The following DIAPH2 variants were observed in gnomAD, a reference collection of about 807,000 sequenced individuals.
DIAPH2 encodes diaphanous related formin 2, also known as protein diaphanous homolog 2.
A neutral mutation model predicts 92.7 loss-of-function variants in DIAPH2; 35 were observed. That is an observed-to-expected ratio of 0.38 (90% CI 0.29 to 0.50). The LOEUF is 0.50. Ranked by LOEUF, DIAPH2 falls within the 20% of genes least tolerant of loss-of-function variation. The pLI is 0.94. For missense variants in DIAPH2, 701 were observed against 819.5 expected (o/e 0.86, Z 1.77); for synonymous variants, 301 against 280.4 (o/e 1.07, Z -0.73).
At chrX:96,981,999 G>T (rs1428752292) in intron 17 of DIAPH2, among the ~76,000 whole-genome samples, 1 of 111,701 alleles carries the variant, frequency 9.0e-6, no homozygotes, top group African/African-American at 3.3e-5. Context: ...CAGTAAAAAT[G>T]TACCCACAAA....
At chrX:96,748,073 G>A (rs2064161399) in intron 3 of DIAPH2, among the ~76,000 whole-genome samples, 1 of 111,918 alleles carries the variant, frequency 8.9e-6, no homozygotes, top group African/African-American at 3.2e-5. Flanking sequence ...CCAGTAAACA[G>A]ATCTAAAAGG....
intron 1 of DIAPH2, among the ~76,000 whole-genome samples, chrX:96,707,318 G>A (rs1172869154): frequency 1.8e-5 from 2 of 108,137 alleles, no homozygotes; most frequent in Non-Finnish European, 3.8e-5. Flanking sequence ...ACAGGTGTCC[G>A]CCACCATGCC....
chrX:96,854,573 A>G (rs1411401112), intron 4 of DIAPH2, among the ~76,000 whole-genome samples: 1 of 85,826 alleles, frequency 1.2e-5, no homozygotes, highest in Non-Finnish European at 2.3e-5. Context: ...TATATATATA[A>G]AAAACCAAGA....
At chrX:96,749,991 C>T (rs186412727) in intron 3 of DIAPH2, among the ~76,000 whole-genome samples, 1 of 109,103 alleles carries the variant, frequency 9.2e-6, no homozygotes, top group East Asian at 2.9e-4. Flanking sequence ...ATTGTTAAAA[C>T]GTCAAGGAAT....
intron 17 of DIAPH2, among the ~76,000 whole-genome samples, chrX:97,014,341 T>A (rs1195001271): frequency 6.3e-5 from 7 of 111,733 alleles, no homozygotes; most frequent in African/African-American, 2.0e-4. Context: ...AAGGAGGGAA[T>A]GTGATTTGTT....
chrX:97,137,266 T>TATAC (rs2067177079), intron 21 of DIAPH2, among the ~76,000 whole-genome samples: 1 of 42,094 alleles, frequency 2.4e-5, no homozygotes, highest in Non-Finnish European at 4.1e-5. Flanking sequence ...TAAACGCAGT[T>TATAC]ATACATATAT....
At chrX:96,885,033 T>G in intron 5 of DIAPH2, 2 of 1,211,238 alleles carry the variant, frequency 1.7e-6, no homozygotes, top group African/African-American at 3.5e-5. Context: ...CGATTGATTA[T>G]CTGACCGTTG....
At chrX:97,421,885 T>A (rs2147770344) in intron 25 of DIAPH2, among the ~76,000 whole-genome samples, 1 of 111,591 alleles carries the variant, frequency 9.0e-6, no homozygotes, top group East Asian at 2.8e-4. Flanking sequence ...CTGTAACTCC[T>A]GTATCTTTCA....
intron 3 of DIAPH2, among the ~76,000 whole-genome samples, chrX:96,757,642 C>T: frequency 8.9e-6 from 1 of 112,242 alleles, no homozygotes; most frequent in Non-Finnish European, 1.9e-5. Context: ...TACCGCAATA[C>T]CGCTGTTTCT....
intron 14 of DIAPH2, 99 bp from the exon 15 acceptor site, chrX:96,948,836 C>A: frequency 2.5e-6 from 1 of 398,987 alleles, no homozygotes; most frequent in South Asian, 1.1e-4. Flanking sequence ...TCTGGGAATT[C>A]AACTAAGTAA....
intron 4 of DIAPH2, among the ~76,000 whole-genome samples, chrX:96,848,458 A>T (rs1442462017): frequency 8.9e-6 from 1 of 112,281 alleles, no homozygotes; most frequent in East Asian, 2.8e-4. Context: ...TCATTTTGTT[A>T]TTGATTGCTA....
chrX:97,234,399 T>C (rs2068032883), intron 22 of DIAPH2, among the ~76,000 whole-genome samples: 1 of 110,628 alleles, frequency 9.0e-6, no homozygotes, highest in African/African-American at 3.3e-5. Context: ...CAATCCACTT[T>C]TGTTTTCTCT....
intron 4 of DIAPH2, among the ~76,000 whole-genome samples, chrX:96,861,836 A>G (rs750786796): frequency 9.0e-6 from 1 of 111,440 alleles, no homozygotes; most frequent in South Asian, 3.8e-4. Flanking sequence ...ATACATGTAC[A>G]CCCCTACAGC....
intron 23 of DIAPH2, among the ~76,000 whole-genome samples, chrX:97,301,023 G>C (rs181378528): frequency 5.8e-4 from 56 of 96,567 alleles, no homozygotes; most frequent in African/African-American, 2.1e-3. Context: ...TAAGTAATTG[G>C]CCGGGCGCAG....
intron 17 of DIAPH2, among the ~76,000 whole-genome samples, chrX:97,021,809 A>G (rs752997532): frequency 3.3e-4 from 37 of 111,772 alleles, no homozygotes; most frequent in African/African-American, 1.1e-3. Context: ...AATTTACACT[A>G]TAGTTCCCAT....
intron 23 of DIAPH2, among the ~76,000 whole-genome samples, chrX:97,251,523 A>C (rs1009541680): frequency 1.8e-5 from 2 of 109,322 alleles, no homozygotes; most frequent in Non-Finnish European, 3.8e-5. Flanking sequence ...ACCTGGGTTC[A>C]AACGATTATC....
chrX:97,423,328 C>T (rs1035796340), intron 25 of DIAPH2, among the ~76,000 whole-genome samples: 9 of 111,578 alleles, frequency 8.1e-5, no homozygotes, highest in African/African-American at 2.6e-4. Flanking sequence ...ACAAAATGTG[C>T]AGAAATGTGA....
chrX:97,168,873 T>C lies in DIAPH2; in HGVS notation c.2719+27079T>C, dbSNP rs1188216127. The stretch of plus-strand genomic sequence containing the variant: ...CAGACAGGAAGCAAGTGCTTTCATG[T>C]CTTTTTATAAAAGGCTTGCATCAGG... On this transcript the variant is annotated intron_variant, in intron 22 of 26. Transcript: ENST00000324765. 2.7e-5 allele frequency among the ~76,000 whole-genome samples: 3 copies of C among 112,229 alleles called. No homozygotes were observed. The South Asian group carries it at 1.1e-3, about 42-fold the overall frequency.
At chrX:97,158,062 T>C (rs901349400) in intron 22 of DIAPH2, among the ~76,000 whole-genome samples, 4 of 112,045 alleles carry the variant, frequency 3.6e-5, no homozygotes, top group Non-Finnish European at 7.5e-5. Context: ...TCAAAAGAAG[T>C]AAACAGCTTT....
Sources: gnomAD v4.1 joint callset for allele counts (sites outside exome capture counted in the v4.1 genomes callset) on GRCh38, gnomAD v4.1.1 for gene constraint, MANE v1.5 for transcripts, NCBI Gene and HGNC (gene_info 2026-07-23, HGNC 2026-07-21) for gene names.